The following EYA1 variants were observed in gnomAD, a reference collection of about 807,000 sequenced individuals.
EYA1 encodes the protein protein phosphatase EYA1.
A neutral mutation model predicts 82.0 loss-of-function variants in EYA1; 16 were observed. The ratio of observed to expected loss-of-function variants is 0.20; its 90% confidence interval spans 0.13 to 0.30. EYA1 has a LOEUF of 0.30. EYA1 is among the 10% of genes least tolerant of loss of function. The pLI, the probability that EYA1 is intolerant of heterozygous loss-of-function variation, is 1.00. For synonymous variants in EYA1, 261 were observed against 264.4 expected, an observed-to-expected ratio of 0.99 and a Z score of 0.12; for missense variants, 633 against 730.7, an observed-to-expected ratio of 0.87 and a Z score of 1.54.
At chr8:71,410,017 T>G (rs1042589682) in intron 2 of EYA1, among the ~76,000 whole-genome samples, 2 of 151,858 alleles carry the variant, frequency 1.3e-5, no homozygotes, top group African/African-American at 4.8e-5. Flanking sequence ...ATCAAAAAGC[T>G]TATCCACCAT....
rs761632944 is a variant in EYA1, at chr8:71,299,172, G to A, written c.701C>T (p.Pro234Leu). Residue 234 changes from proline to leucine, a missense_variant, in exon 9 of 18, where the codon CCG becomes CTG. Transcript: ENST00000340726. ...GCTGGTCATATAATGTGCTGGATAC[G>A]GTGAGCTGTTATAATACTGTGCGTA... ...GQYAQYYNSSPYPAHYMTSSN... is the reference protein window; with the variant it reads ...GQYAQYYNSSLYPAHYMTSSN... 5.6e-6 allele frequency: 9 copies of A among 1,613,986 alleles called. No homozygotes were observed. The highest frequency in any genetic ancestry group is 2.7e-5 in the African/African-American group (2 of 74,888).
chr8:71,233,970 C>T (rs962741342), intron 12 of EYA1, among the ~76,000 whole-genome samples: 1 of 152,178 alleles, frequency 6.6e-6, no homozygotes, highest in African/African-American at 2.4e-5. Context: ...AGGGATTTCC[C>T]AGTGGGGGGT....
chr8:71,341,489 G>C (rs1477085563), intron 3 of EYA1, among the ~76,000 whole-genome samples: 1 of 152,042 alleles, frequency 6.6e-6, no homozygotes, highest in Non-Finnish European at 1.5e-5. Flanking sequence ...TACGAAAGTG[G>C]AAAAAAGCAA....
chr8:71,498,889 A>G (rs1200113483), intron 2 of EYA1, among the ~76,000 whole-genome samples: 1 of 152,190 alleles, frequency 6.6e-6, no homozygotes, highest in African/African-American at 2.4e-5. Context: ...TCATCTTTGC[A>G]CAACTATTAA....
intron 11 of EYA1, among the ~76,000 whole-genome samples, chr8:71,263,440 G>A (rs1280951369): frequency 6.6e-6 from 1 of 152,176 alleles, no homozygotes; most frequent in Non-Finnish European, 1.5e-5. Flanking sequence ...CTAAACAAGA[G>A]ACAGATTTCT....
intron 9 of EYA1, among the ~76,000 whole-genome samples, chr8:71,282,712 T>A (rs1817945903): frequency 6.6e-6 from 1 of 152,172 alleles, no homozygotes; most frequent in Non-Finnish European, 1.5e-5. Flanking sequence ...TCAGTGCTTG[T>A]CTCCTCTTCT....
At chr8:71,474,612 A>C (rs1248658330) in intron 2 of EYA1, among the ~76,000 whole-genome samples, 2 of 152,208 alleles carry the variant, frequency 1.3e-5, no homozygotes, top group Non-Finnish European at 2.9e-5. Flanking sequence ...ACATCATATA[A>C]AATTGTGAAA....
At chr8:71,283,029 G>T (rs1817993614) in intron 9 of EYA1, among the ~76,000 whole-genome samples, 1 of 148,168 alleles carries the variant, frequency 6.7e-6, no homozygotes, top group African/African-American at 2.5e-5. Flanking sequence ...CCATGCTTCT[G>T]CTTAAACACT....
chr8:71,206,529 C>G (rs953032721), intron 17 of EYA1, among the ~76,000 whole-genome samples: 1 of 151,810 alleles, frequency 6.6e-6, no homozygotes, highest in Non-Finnish European at 1.5e-5. Flanking sequence ...ACTGCAGAAA[C>G]TTTTCACTAA....
At chr8:71,233,350 G>A (rs1811433185) in intron 12 of EYA1, among the ~76,000 whole-genome samples, 1 of 151,990 alleles carries the variant, frequency 6.6e-6, no homozygotes, top group Non-Finnish European at 1.5e-5. Context: ...AGATCACGAG[G>A]TCAGGAGATC....
chr8:71,377,765 TA>T (rs1563550349), intron 2 of EYA1, among the ~76,000 whole-genome samples: 1 of 152,188 alleles, frequency 6.6e-6, no homozygotes, highest in African/African-American at 2.4e-5. Flanking sequence ...CAGCCCCTGG[TA>T]ACTACCATTC....
rs935912194 is a variant in EYA1 at position 71,448,025 on chromosome 8, T to TTTTTTTTTAGGTAACGGAG, written c.33+87718_33+87719insCTCCGTTACCTAAAAAAAA. On this transcript the variant is annotated intron_variant, in intron 2 of 18. Transcript: ENST00000643681. ...GTTTAAGAGCTTTTTTTTTTTTTTTTTCTCGCTCCGTTGCCCAGGCTGCAG... is the reference window on the plus strand; with the variant it reads ...GTTTAAGAGCTTTTTTTTTTTTTTTTTTTTTTTTAGGTAACGGAGTCTCGCTCCGTTGCCCAGGCTGCAG... Among the ~76,000 whole-genome samples, 12 of 116,730 alleles carry TTTTTTTTTAGGTAACGGAG rather than the reference T, an allele frequency of 1.0e-4. 3 individuals are homozygous for TTTTTTTTTAGGTAACGGAG. The highest frequency in any genetic ancestry group is 6.7e-4 in the East Asian group (2 of 2,988). The allele number at this position is 116,730 out of a possible 152,430, so 76.6% of individuals were successfully genotyped here. A position where few individuals can be genotyped will look rare whatever the true frequency, so the allele number is the denominator to read the frequency against.
intron 12 of EYA1, among the ~76,000 whole-genome samples, chr8:71,236,526 G>T: frequency 6.6e-6 from 1 of 152,062 alleles, no homozygotes; most frequent in South Asian, 2.1e-4. Flanking sequence ...ATCTGTTATT[G>T]GATATTTAAA....
At chr8:71,452,521 G>A (rs907056607) in intron 2 of EYA1, among the ~76,000 whole-genome samples, 2 of 152,184 alleles carry the variant, frequency 1.3e-5, no homozygotes, top group East Asian at 1.9e-4. Flanking sequence ...GCACCCCCCA[G>A]TAGGGGCAGA....
chr8:71,216,752 A>G lies in EYA1; in HGVS notation c.1300T>C (p.Leu434=). 1 of 1,614,100 alleles carries G rather than the reference A, an allele frequency of 6.2e-7. No homozygotes were observed. The change falls in exon 14 of 18, where the codon TTG becomes CTG. Residue 434 remains leucine, a synonymous_variant. Coordinates refer to ENST00000340726, the MANE Select transcript of EYA1 (RefSeq NM_000503.6). ...TTTACCCGTCTGTAGCGGAAGGCCAACTTTCTCATCCAGTCCACACCGCCC... is the reference window on the plus strand; with the variant it reads ...TTTACCCGTCTGTAGCGGAAGGCCAGCTTTCTCATCCAGTCCACACCGCCC... ...VRGGVDWMRK[L]AFRYRRVKEI... is the part of the protein sequence containing the mutation.
At chr8:71,380,499 C>T (rs1467166557) in intron 2 of EYA1, among the ~76,000 whole-genome samples, 1 of 152,076 alleles carries the variant, frequency 6.6e-6, no homozygotes, top group Non-Finnish European at 1.5e-5. Context: ...GCAGCCCTGC[C>T]CCTGCGGCAT....
chr8:71,240,225 T>A (rs1812311049), intron 12 of EYA1, among the ~76,000 whole-genome samples: 1 of 151,442 alleles, frequency 6.6e-6, no homozygotes, highest in African/African-American at 2.4e-5. Flanking sequence ...CCTGGACTCA[T>A]CAAACTCATA....
intron 2 of EYA1, among the ~76,000 whole-genome samples, chr8:71,389,622 T>C (rs2129108166): frequency 6.6e-6 from 1 of 152,302 alleles, no homozygotes; most frequent in African/African-American, 2.4e-5. Flanking sequence ...AAAATCTTTC[T>C]AACAAAAGAT....
At chr8:71,373,696 G>C (rs908584044) in intron 2 of EYA1, among the ~76,000 whole-genome samples, 25 of 151,970 alleles carry the variant, frequency 1.6e-4, no homozygotes, top group African/African-American at 5.6e-4. Flanking sequence ...TTTTGAGAAA[G>C]AAAATCAAAG....
Sources: allele counts gnomAD v4.1 joint callset (sites outside exome capture counted in the v4.1 genomes callset), GRCh38; gene constraint gnomAD v4.1.1; transcripts MANE v1.5; gene names NCBI Gene and HGNC (gene_info 2026-07-23, HGNC 2026-07-21).